Variants in KHDRBS2 observed in about 807,000 individuals in gnomAD.
The protein encoded by KHDRBS2 is KH domain-containing, RNA-binding, signal transduction-associated protein 2.
A neutral mutation model predicts 44.3 loss-of-function variants in KHDRBS2; 26 were observed. The ratio of observed to expected loss-of-function variants is 0.59; its 90% CI spans 0.43 to 0.81. KHDRBS2 has a LOEUF of 0.81. Ranked by LOEUF, KHDRBS2 falls within the 40% of genes least tolerant of loss-of-function variation. The pLI is 0.00. For synonymous variants in KHDRBS2, 194 were observed against 151.1 expected, an observed-to-expected ratio of 1.28 and a Z score of -2.08; for missense variants, 476 against 433.1, an observed-to-expected ratio of 1.10 and a Z score of -0.88.
chr6:61,642,495 TA>T, the KHDRBS2 span, among the ~76,000 whole-genome samples: 57 of 133,968 alleles, frequency 4.3e-4, no homozygotes, highest in East Asian at 6.6e-4. Context: ...GTTTCTATAT[TA>T]AAAAAAAAAA....
At chr6:61,705,906 C>A (rs971178164) in intron 7 of KHDRBS2, among the ~76,000 whole-genome samples, 1 of 151,772 alleles carries the variant, frequency 6.6e-6, no homozygotes, top group Non-Finnish European at 1.5e-5. Context: ...TGTTGAAAAT[C>A]CATCTTTATA....
intron 6 of KHDRBS2, among the ~76,000 whole-genome samples, chr6:61,844,520 A>T (rs1469615393): frequency 6.6e-6 from 1 of 152,078 alleles, no homozygotes; most frequent in South Asian, 2.1e-4. Context: ...GCCTGGAATG[A>T]CCTCACTTCT....
chr6:61,577,477 C>T, the KHDRBS2 span, among the ~76,000 whole-genome samples: 3 of 152,090 alleles, frequency 2.0e-5, no homozygotes, highest in Non-Finnish European at 2.9e-5. Context: ...CAGCAAATTG[C>T]ACCATCTCCA....
At position 61,737,553 on chromosome 6, in the gene KHDRBS2, C is replaced by T. The variant is rs531196921; in HGVS notation, c.811-4789G>A. ...TGCATCCTACATGTTAAAAACAGACCGTAAGTTAATCATTGGTATATCCTT... is the reference window on the plus strand; with the variant it reads ...TGCATCCTACATGTTAAAAACAGACTGTAAGTTAATCATTGGTATATCCTT... On this transcript the variant is annotated intron_variant, in intron 6 of 8. Coordinates refer to ENST00000281156, the MANE Select transcript of KHDRBS2 (RefSeq NM_152688.4). Among the ~76,000 whole-genome samples the T allele has an allele frequency of 3.7e-4, 56 of 152,048 alleles. 1 individual carries two copies. Among genetic ancestry groups the T allele is most frequent in the African/African-American group, 8.7e-4 (36 of 41,492 alleles).
intron 6 of KHDRBS2, among the ~76,000 whole-genome samples, chr6:61,742,454 C>T (rs778891374): frequency 2.0e-5 from 3 of 151,946 alleles, no homozygotes; most frequent in Non-Finnish European, 4.4e-5. Context: ...TGTGTATTCT[C>T]TTGACTATGG....
At chr6:62,062,390 T>C (rs1421093219) in intron 2 of KHDRBS2, among the ~76,000 whole-genome samples, 1 of 144,616 alleles carries the variant, frequency 6.9e-6, no homozygotes, top group African/African-American at 2.5e-5. Flanking sequence ...AAAGCTCTCC[T>C]CAGCAAATGT....
the KHDRBS2 span, among the ~76,000 whole-genome samples, chr6:61,637,802 T>G: frequency 6.6e-6 from 1 of 152,172 alleles, no homozygotes; most frequent in Non-Finnish European, 1.5e-5. Context: ...GAGCATTTTT[T>G]CATGTGTTTT....
intron 2 of KHDRBS2, among the ~76,000 whole-genome samples, chr6:62,061,486 ATGT>A (rs1791864226): frequency 6.7e-6 from 1 of 150,316 alleles, no homozygotes; most frequent in Non-Finnish European, 1.5e-5. Flanking sequence ...TTCTTTAAGA[ATGT>A]TGAATATTGG....
rs150654825 is a variant in KHDRBS2 at position 62,250,048 on chromosome 6, G to A, written c.91+35810C>T. ...AATTAAATTACAGAAAAATACTTTC[G>A]TATGCTTTAAGATGATAAATGGGAA... On this transcript the variant is annotated intron_variant, in intron 1 of 8. Transcript: ENST00000281156. Among the ~76,000 whole-genome samples, 390 of 151,930 alleles carry A rather than the reference G, an allele frequency of 2.6e-3. 3 individuals are homozygous for A. The highest frequency in any genetic ancestry group is 8.6e-3 in the African/African-American group (355 of 41,454).
chr6:62,284,233 C>T (rs1247857613), intron 1 of KHDRBS2, among the ~76,000 whole-genome samples: 3 of 152,076 alleles, frequency 2.0e-5, no homozygotes, highest in Admixed American at 6.5e-5. Context: ...ATATTAATGA[C>T]TGATGAATTA....
intron 3 of KHDRBS2, among the ~76,000 whole-genome samples, chr6:61,989,708 T>C (rs1318733064): frequency 6.6e-6 from 1 of 152,182 alleles, no homozygotes. Flanking sequence ...GGAGAAGATT[T>C]TTGTTTTTAA....
the KHDRBS2 span, among the ~76,000 whole-genome samples, chr6:61,638,984 C>A: frequency 2.0e-4 from 30 of 152,016 alleles, no homozygotes; most frequent in African/African-American, 7.2e-4. Flanking sequence ...AAATCAGCTC[C>A]AATTTGTTTG....
At chr6:62,079,277 T>C (rs1287148333) in intron 2 of KHDRBS2, among the ~76,000 whole-genome samples, 1 of 151,990 alleles carries the variant, frequency 6.6e-6, no homozygotes, top group Non-Finnish European at 1.5e-5. Flanking sequence ...TATTTACAGA[T>C]TTACATGTTA....
intron 6 of KHDRBS2, among the ~76,000 whole-genome samples, chr6:61,758,511 T>C (rs1194193817): frequency 6.6e-6 from 1 of 151,980 alleles, no homozygotes; most frequent in South Asian, 2.1e-4. Flanking sequence ...TTAGTAAATG[T>C]TTGTGGAATT....
the KHDRBS2 span, among the ~76,000 whole-genome samples, chr6:61,660,292 T>C: frequency 1.3e-5 from 2 of 151,830 alleles, no homozygotes; most frequent in African/African-American, 4.8e-5. Context: ...AAAGAGAAGA[T>C]ACTGTTTTCT....
chr6:61,941,945 G>A (rs577073722), intron 4 of KHDRBS2, among the ~76,000 whole-genome samples: 1 of 151,976 alleles, frequency 6.6e-6, no homozygotes, highest in Non-Finnish European at 1.5e-5. Flanking sequence ...TCCAGAAAAA[G>A]AATCCAAATT....
chr6:61,570,325 G>A, the KHDRBS2 span, among the ~76,000 whole-genome samples: 3 of 152,008 alleles, frequency 2.0e-5, no homozygotes, highest in Admixed American at 2.0e-4. Flanking sequence ...AAGAAATTCA[G>A]AGCTCAAAGA....
At chr6:61,646,041 C>A in the KHDRBS2 span, among the ~76,000 whole-genome samples, 1 of 152,050 alleles carries the variant, frequency 6.6e-6, no homozygotes, top group African/African-American at 2.4e-5. Context: ...AGTCTCAGTC[C>A]TTTTATTTGT....
Position 61,770,322 on chromosome 6 carries a change from C to T in KHDRBS2, c.811-37558G>A, listed in dbSNP as rs558362910. ...AGGCAGCTCTTCACCAGCAATGGAA[C>T]AAAGCTGGATGGGGAATGACTTTGC... On this transcript the variant is annotated intron_variant, in intron 6 of 8. Coordinates refer to ENST00000281156, the MANE Select transcript of KHDRBS2 (RefSeq NM_152688.4). Among the ~76,000 whole-genome samples, 10 of 152,292 alleles carry T rather than the reference C, an allele frequency of 6.6e-5. No individual in the cohort carries two copies. In the South Asian group the frequency reaches 1.7e-3, roughly 25 times the overall value.
Sources: gnomAD v4.1 joint callset for allele counts (sites outside exome capture counted in the v4.1 genomes callset) on GRCh38, gnomAD v4.1.1 for gene constraint, MANE v1.5 for transcripts, NCBI Gene and HGNC (gene_info 2026-07-23, HGNC 2026-07-21) for gene names.